MYOM2: variants seen among roughly 807,000 people sequenced by gnomAD.
MYOM2 encodes the protein myomesin 2.
A neutral mutation model predicts 187.6 loss-of-function variants in MYOM2; 254 were observed. The observed-to-expected ratio is 1.35, with a 90% confidence interval of 1.22 to 1.50. The LOEUF (loss-of-function observed/expected upper bound fraction) is 1.50, where lower values mean the gene tolerates loss of function less well. MYOM2 is among the 40% of genes most tolerant of loss of function. MYOM2 has a pLI of 0.00. For missense variants in MYOM2, 2,796 were observed against 1,924.0 expected (o/e 1.45, Z -8.48); for synonymous variants, 981 against 753.8 (o/e 1.30, Z -4.94).
chr8:2,069,251 A>C (rs749196213), intron 6 of MYOM2, 27 bp from the exon 7 acceptor site: 1 of 1,598,588 alleles, frequency 6.3e-7, no homozygotes, highest in African/African-American at 1.3e-5. Context: ...AGTCCCGCAG[A>C]CTTTCTCTTG....
At chr8:2,117,206 T>C (rs1797278812) in intron 27 of MYOM2, among the ~76,000 whole-genome samples, 2 of 152,238 alleles carry the variant, frequency 1.3e-5, no homozygotes, top group South Asian at 4.1e-4. Context: ...TACTTACTTC[T>C]ACATTATGAA....
Position 2,129,244 on chromosome 8 carries a change from A to T in MYOM2, c.3800+12A>T. The T allele has an allele frequency of 6.3e-7, 1 of 1,583,280 alleles. No homozygotes were observed. The highest frequency in any genetic ancestry group is 1.1e-5 in the South Asian group (1 of 90,346). The stretch of plus-strand genomic sequence containing the variant: ...AACTGGTGTCACAAGTAAGTATGAC[A>T]GCAGCCGATGGAGGCCATGCCATAG... On this transcript the variant is annotated intron_variant, in intron 32 of 36. Coordinates refer to ENST00000262113, the MANE Select transcript of MYOM2 (RefSeq NM_003970.4).
At chr8:2,130,146 C>CAA (rs1797807738) in intron 32 of MYOM2, among the ~76,000 whole-genome samples, 1 of 124,662 alleles carries the variant, frequency 8.0e-6, no homozygotes, top group African/African-American at 3.9e-5. Flanking sequence ...GGCGTCCCCA[C>CAA]CGCGCCTTTA....
At chr8:2,072,554 T>C in intron 9 of MYOM2, 45 bp downstream of exon 9, 5 of 1,584,258 alleles carry the variant, frequency 3.2e-6, no homozygotes, top group Non-Finnish European at 4.3e-6. Flanking sequence ...CAGGAGGCTT[T>C]TGGACGGAAA....
chr8:2,057,670 A>T lies in MYOM2; in HGVS notation c.450A>T (p.Ile150=). ...AGAGACACACATTTGAAGAGCGGAT[A>T]AGCAGGGCTCCTGAGATCCTGGTGC... The part of the protein sequence containing the change: ...AWERHTFEER[I]SRAPEILVRL... Residue 150 remains isoleucine (I), a synonymous_variant, in exon 5 of 37, where the codon ATA becomes ATT. Transcript: ENST00000262113. The T allele has an allele frequency of 1.9e-6, 3 of 1,614,098 alleles. No individual in the cohort carries two copies. Among genetic ancestry groups the T allele is most frequent in the Non-Finnish European group, 2.5e-6 (3 of 1,180,018 alleles).
At chr8:2,055,536 G>C (rs1364169454) in intron 3 of MYOM2, among the ~76,000 whole-genome samples, 1 of 151,986 alleles carries the variant, frequency 6.6e-6, no homozygotes, top group East Asian at 1.9e-4. Flanking sequence ...GGAGGTGCGA[G>C]GTGAGGTCCC....
chr8:2,108,443 A>G (rs1391112540), intron 23 of MYOM2, among the ~76,000 whole-genome samples: 6 of 152,114 alleles, frequency 3.9e-5, no homozygotes, highest in African/African-American at 1.4e-4. Flanking sequence ...ATTTTAGGAA[A>G]GAGCTCACAT....
At position 2,057,741 on chromosome 8, in the gene MYOM2, G is replaced by A. The variant is rs763807935; in HGVS notation, c.521G>A (p.Cys174Tyr). 3 of 1,614,126 alleles carry A rather than the reference G, an allele frequency of 1.9e-6. No homozygotes were observed. The highest frequency in any genetic ancestry group is 1.7e-6 in the Non-Finnish European group (2 of 1,180,022). The change falls in exon 5 of 37, where the codon TGC becomes TAC. Residue 174 changes from cysteine (C) to tyrosine (Y), a missense_variant. Physicochemically the swap from Cys to Tyr is radical, Grantham distance 194. Transcript: ENST00000262113. ...TVWERMSVKL[C>Y]FTVQGFPTPV... ...TGGGAGAGGATGTCTGTGAAACTCTGCTTCACCGTGCAAGGATTTCCCACG... is the reference window on the plus strand; with the variant it reads ...TGGGAGAGGATGTCTGTGAAACTCTACTTCACCGTGCAAGGATTTCCCACG...
chr8:2,064,178 C>G (rs1818938435), intron 6 of MYOM2, among the ~76,000 whole-genome samples: 1 of 152,210 alleles, frequency 6.6e-6, no homozygotes, highest in South Asian at 2.1e-4. Context: ...AGGCCCCCTG[C>G]TTCCCGGCCT....
chr8:2,046,440 G>C (rs946745078), intron 1 of MYOM2, among the ~76,000 whole-genome samples: 2 of 152,324 alleles, frequency 1.3e-5, no homozygotes, highest in East Asian at 1.9e-4. Flanking sequence ...AGGAGAGTCA[G>C]CTGGCGCCTG....
intron 25 of MYOM2, among the ~76,000 whole-genome samples, chr8:2,112,098 A>G (rs1012281875): frequency 6.6e-6 from 1 of 152,060 alleles, no homozygotes; most frequent in Non-Finnish European, 1.5e-5. Context: ...TTCCCAGTGG[A>G]CGGCAGCACC....
In MYOM2 at chr8:2,124,288, A is replaced by G. The variant is rs977026497; in HGVS notation, c.3694+71A>G. On this transcript the variant is annotated intron_variant, in intron 31 of 36. Transcript: ENST00000262113. Reference sequence around the variant, plus strand: ...TCACTATTTCCTGACACGGGAAGTCACTGCTGCAAAAGAGGGCACCATGGA... The same window carrying G: ...TCACTATTTCCTGACACGGGAAGTCGCTGCTGCAAAAGAGGGCACCATGGA... The G allele has an allele frequency of 6.1e-6, 9 of 1,464,832 alleles. No homozygotes were observed. The African/African-American group carries it at 1.1e-4, about 18-fold the overall frequency. 90.7% of individuals were successfully genotyped at this position (1,464,832 alleles called of 1,614,324 possible). A position where few individuals can be genotyped will look rare whatever the true frequency, so the allele number is the denominator to read the frequency against.
intron 32 of MYOM2, among the ~76,000 whole-genome samples, chr8:2,131,703 G>C (rs933986948): frequency 1.4e-5 from 2 of 148,072 alleles, no homozygotes; most frequent in African/African-American, 5.0e-5. Flanking sequence ...GAGTGCAGTG[G>C]TGCGATCTCG....
chr8:2,117,204 TC>T (rs796296692), intron 27 of MYOM2, among the ~76,000 whole-genome samples: 11 of 152,368 alleles, frequency 7.2e-5, no homozygotes, highest in African/African-American at 2.6e-4. Flanking sequence ...TTTACTTACT[TC>T]TACATTATGA....
intron 6 of MYOM2, among the ~76,000 whole-genome samples, chr8:2,061,351 C>T (rs2083431942): frequency 6.6e-6 from 1 of 152,056 alleles, no homozygotes; most frequent in Admixed American, 6.5e-5. Context: ...TAGTAAGGGA[C>T]TAGTCTTTGT....
chr8:2,126,304 G>A (rs779571933), intron 31 of MYOM2, among the ~76,000 whole-genome samples: 1 of 152,092 alleles, frequency 6.6e-6, no homozygotes, highest in Non-Finnish European at 1.5e-5. Context: ...ATGGGCTGGA[G>A]TCTCTCCCTG....
chr8:2,108,473 A>C (rs1439611033), intron 23 of MYOM2, among the ~76,000 whole-genome samples: 1 of 152,068 alleles, frequency 6.6e-6, no homozygotes, highest in Non-Finnish European at 1.5e-5. Flanking sequence ...GGATCTGGAA[A>C]AGACTCCCTT....
rs749299791 is a variant in MYOM2, at chr8:2,106,197, A to G, written c.2735-45A>G. On this transcript the variant is annotated intron_variant, in intron 21 of 36. Transcript: ENST00000262113. ...CCCTCTCCCAAAAGAGAGTTGAAAG[A>G]ACACCGTGTCCCTAAGCCGCTCACT... is the stretch of plus-strand genomic sequence containing the variant. 5 of 1,585,266 alleles carry G rather than the reference A, an allele frequency of 3.2e-6. No homozygotes were observed. In the East Asian group the frequency reaches 1.1e-4, roughly 36 times the overall value.
chr8:2,089,187 C>T (rs1225270545), intron 14 of MYOM2, among the ~76,000 whole-genome samples: 1 of 21,348 alleles, frequency 4.7e-5, no homozygotes, highest in African/African-American at 7.9e-5. Flanking sequence ...TCGAAAAAGG[C>T]GTTTTATCTC....
Sources: gnomAD v4.1 joint callset for allele counts (sites outside exome capture counted in the v4.1 genomes callset) on GRCh38, gnomAD v4.1.1 for gene constraint, MANE v1.5 for transcripts, NCBI Gene and HGNC (gene_info 2026-07-23, HGNC 2026-07-21) for gene names.